Variants in VIT observed in about 807,000 individuals in gnomAD.
VIT encodes vitrin.
VIT carries 99 observed loss-of-function variants against 78.0 expected under a neutral mutation model. The ratio of observed to expected loss-of-function variants is 1.27; its 90% CI spans 1.08 to 1.50. The LOEUF (loss-of-function observed/expected upper bound fraction) is 1.50. Among genes scored for constraint, VIT ranks in the 40% most tolerant of loss-of-function variants. The pLI, the probability that VIT is intolerant of heterozygous loss-of-function variation, is 0.00. For synonymous variants in VIT, 374 were observed against 334.3 expected (o/e 1.12, Z -1.29); for missense variants, 1,126 against 875.3 (o/e 1.29, Z -3.61).
intron 12 of VIT, among the ~76,000 whole-genome samples, chr2:36,795,205 A>G (rs1031664370): frequency 6.6e-6 from 1 of 152,050 alleles, no homozygotes; most frequent in Admixed American, 6.6e-5. Context: ...TTAAAGTTTA[A>G]ATTTATTTGT....
intron 5 of VIT, among the ~76,000 whole-genome samples, chr2:36,756,795 C>T (rs868600390): frequency 1.3e-5 from 2 of 152,166 alleles, no homozygotes; most frequent in Admixed American, 6.5e-5. Flanking sequence ...ATATAATCTC[C>T]GCATAGGTGT....
At chr2:36,744,843 GT>G (rs1668041526) in intron 4 of VIT, among the ~76,000 whole-genome samples, 1 of 151,948 alleles carries the variant, frequency 6.6e-6, no homozygotes, top group South Asian at 2.1e-4. Context: ...ATCAATTTTT[GT>G]TTTTGTTGCA....
intron 12 of VIT, among the ~76,000 whole-genome samples, chr2:36,787,559 G>C (rs1295270401): frequency 6.6e-6 from 1 of 152,254 alleles, no homozygotes; most frequent in Non-Finnish European, 1.5e-5. Flanking sequence ...AGATGCGTGT[G>C]AGTGTTAACT....
At chr2:36,717,738 T>C (rs1371089515) in intron 2 of VIT, among the ~76,000 whole-genome samples, 1 of 152,158 alleles carries the variant, frequency 6.6e-6, no homozygotes, top group African/African-American at 2.4e-5. Context: ...GTGAAACTAC[T>C]GCCAGGAAGG....
chr2:36,744,810 T>TTAAA (rs1174918538), intron 4 of VIT, among the ~76,000 whole-genome samples: 1 of 152,216 alleles, frequency 6.6e-6, no homozygotes, highest in Non-Finnish European at 1.5e-5. Flanking sequence ...TGCAGAGCTC[T>TTAAA]TTAGTTTAAT....
intron 14 of VIT, among the ~76,000 whole-genome samples, chr2:36,806,000 ACACACACACACACG>A (rs1290878841): frequency 6.6e-6 from 1 of 150,702 alleles, no homozygotes; most frequent in Non-Finnish European, 1.5e-5. Flanking sequence ...TCTCTCTCTC[ACACACACACACACG>A]CACACACACA....
rs1666918736 is a variant in VIT at position 36,808,641 on chromosome 2, G to A, written c.1559G>A (p.Ser520Asn). 5 of 1,614,240 alleles carry A rather than the reference G, an allele frequency of 3.1e-6. No individual in the cohort carries two copies. The highest frequency in any genetic ancestry group is 3.4e-6 in the Non-Finnish European group (4 of 1,180,046). ...GGCTTCGTCATCGACGGCTCCAGCA[G>A]TGTGGGGACGGGCAACTTCCGCACC... ...DIGFVIDGSS[S>N]VGTGNFRTVL... is the part of the protein sequence containing the mutation. Residue 520 changes from serine (S) to asparagine (N), a missense_variant, in exon 15 of 16, where the codon AGT (serine) becomes AAT (asparagine). Coordinates refer to ENST00000379242, the MANE Select transcript of VIT (RefSeq NM_053276.4).
chr2:36,746,680 T>A (rs563184438), intron 4 of VIT, among the ~76,000 whole-genome samples: 1 of 152,212 alleles, frequency 6.6e-6, no homozygotes, highest in Non-Finnish European at 1.5e-5. Flanking sequence ...CATTTTTGGG[T>A]CTTCTTTCTT....
At chr2:36,713,081 C>G (rs1212219601) in intron 1 of VIT, among the ~76,000 whole-genome samples, 1 of 152,058 alleles carries the variant, frequency 6.6e-6, no homozygotes, top group Non-Finnish European at 1.5e-5. Flanking sequence ...TAAAGTATGT[C>G]AGAAGTGATA....
chr2:36,802,449 A>G (rs1666399319), intron 13 of VIT, among the ~76,000 whole-genome samples: 1 of 152,244 alleles, frequency 6.6e-6, no homozygotes, highest in Non-Finnish European at 1.5e-5. Flanking sequence ...TCAGAGTTAC[A>G]GTAAATCCGA....
intron 1 of VIT, among the ~76,000 whole-genome samples, chr2:36,697,495 G>A (rs557645814): frequency 1.5e-3 from 231 of 152,304 alleles, no homozygotes; most frequent in Non-Finnish European, 2.8e-3. Flanking sequence ...CTAGATGTGC[G>A]ATTCTGTGTC....
At chr2:36,773,284 C>G (rs1389086963) in intron 7 of VIT, among the ~76,000 whole-genome samples, 1 of 151,374 alleles carries the variant, frequency 6.6e-6, no homozygotes, top group South Asian at 2.1e-4. Context: ...GTTATTATTA[C>G]CTGTAGTTTT....
chr2:36,802,809 G>T (rs138602012), intron 13 of VIT, among the ~76,000 whole-genome samples: 1 of 152,182 alleles, frequency 6.6e-6, no homozygotes, highest in Admixed American at 6.5e-5. Context: ...GGGTTCTGAG[G>T]ACAGAATCCG....
At chr2:36,698,998 A>AT (rs1179854792) in intron 1 of VIT, among the ~76,000 whole-genome samples, 22 of 68,348 alleles carry the variant, frequency 3.2e-4, no homozygotes, top group Non-Finnish European at 2.5e-4. Context: ...TTCCCCACAT[A>AT]TTAAAAAAAA....
At chr2:36,743,018 C>A in intron 3 of VIT, 82 bp from the exon 4 acceptor site, 1 of 1,556,226 alleles carries the variant, frequency 6.4e-7, no homozygotes, top group South Asian at 1.2e-5. Context: ...GAGATTAAGT[C>A]AATAGTTGAG....
chr2:36,745,758 A>G (rs1668098104), intron 4 of VIT, among the ~76,000 whole-genome samples: 1 of 152,046 alleles, frequency 6.6e-6, no homozygotes, highest in South Asian at 2.1e-4. Flanking sequence ...GAAGAGAGGG[A>G]GTTTGACTTC....
At chr2:36,799,998 A>G (rs1666199030) in intron 12 of VIT, among the ~76,000 whole-genome samples, 1 of 151,208 alleles carries the variant, frequency 6.6e-6, no homozygotes, top group Non-Finnish European at 1.5e-5. Flanking sequence ...CAGTGAGCCA[A>G]GATCGAGCCA....
chr2:36,808,443 G>A, intron 14 of VIT, 29 bp from the exon 15 acceptor site: 1 of 1,575,306 alleles, frequency 6.3e-7, no homozygotes, highest in Non-Finnish European at 8.6e-7. Context: ...ACCCTGACGT[G>A]GCGTGGGTCC....
intron 5 of VIT, 46 bp downstream of exon 5, chr2:36,755,100 G>C: frequency 6.3e-7 from 1 of 1,585,578 alleles, no homozygotes; most frequent in African/African-American, 1.4e-5. Context: ...ACCACAAGAT[G>C]AAATGTGCTC....
Sources: allele counts gnomAD v4.1 joint callset (sites outside exome capture counted in the v4.1 genomes callset), GRCh38; gene constraint gnomAD v4.1.1; transcripts MANE v1.5; gene names NCBI Gene and HGNC (gene_info 2026-07-23, HGNC 2026-07-21).